The following FRMD4A variants were observed in gnomAD, a reference collection of about 807,000 sequenced individuals.
FRMD4A encodes FERM domain containing 4A, also known as FERM domain-containing protein 4A.
In FRMD4A, 29 loss-of-function variants were observed where a neutral mutation model predicts 129.1. That is an observed-to-expected ratio of 0.22 (90% CI 0.17 to 0.31). The LOEUF is 0.31. FRMD4A is among the 10% of genes least tolerant of loss of function. FRMD4A has a pLI of 1.00. For missense variants in FRMD4A, 1,272 were observed against 1,375.8 expected (o/e 0.92, Z 1.19); for synonymous variants, 634 against 571.6 (o/e 1.11, Z -1.56).
At chr10:13,819,640 C>T (rs967235447) in intron 3 of FRMD4A, among the ~76,000 whole-genome samples, 2 of 151,718 alleles carry the variant, frequency 1.3e-5, no homozygotes, top group Non-Finnish European at 2.9e-5. Context: ...TCACAAAAGA[C>T]GTGATCCTTG....
chr10:14,182,265 T>C (rs1233733701), intron 2 of FRMD4A, among the ~76,000 whole-genome samples: 5 of 152,184 alleles, frequency 3.3e-5, no homozygotes, highest in Admixed American at 2.0e-4. Context: ...AGAGATAGGG[T>C]GCAGTAGCAC....
At chr10:13,823,180 T>G (rs1324328527) in intron 3 of FRMD4A, among the ~76,000 whole-genome samples, 1 of 152,118 alleles carries the variant, frequency 6.6e-6, no homozygotes, top group Admixed American at 6.5e-5. Context: ...TAATGATTGC[T>G]CCTCTAGAAA....
Position 13,647,011 on chromosome 10 carries a change from C to G in FRMD4A, c.*27G>C. On this transcript the variant is annotated 3_prime_UTR_variant, in exon 25 of 25. Coordinates refer to ENST00000357447, the MANE Select transcript of FRMD4A (RefSeq NM_018027.5). ...CTAGTTCTGGATAGAGGGAGGAATC[C>G]AGGAAACAGCTATCATTGTAGCTCC... 1.0e-6 allele frequency: 1 copy of G among 976,710 alleles called. No homozygotes were observed. Among genetic ancestry groups the G allele is most frequent in the Non-Finnish European group, 1.2e-6 (1 of 821,586 alleles). 60.5% of individuals were successfully genotyped at this position (976,710 alleles called of 1,614,324 possible).
At chr10:14,227,078 C>T (rs1470225231) in intron 2 of FRMD4A, among the ~76,000 whole-genome samples, 1 of 152,010 alleles carries the variant, frequency 6.6e-6, no homozygotes, top group African/African-American at 2.4e-5. Context: ...TGCACATGCC[C>T]GCAAGATGGA....
At chr10:14,004,039 C>T (rs1486375565) in intron 2 of FRMD4A, among the ~76,000 whole-genome samples, 1 of 152,168 alleles carries the variant, frequency 6.6e-6, no homozygotes, top group Non-Finnish European at 1.5e-5. Context: ...AGGATGTGGG[C>T]TTGAGTAAGT....
At chr10:13,689,843 G>A (rs1028379490) in intron 15 of FRMD4A, among the ~76,000 whole-genome samples, 2 of 151,746 alleles carry the variant, frequency 1.3e-5, no homozygotes, top group Admixed American at 6.6e-5. Context: ...CTGAATAGGC[G>A]TGAGCCACTG....
chr10:13,958,408 T>G (rs1373442202), intron 2 of FRMD4A, among the ~76,000 whole-genome samples: 1 of 136,394 alleles, frequency 7.3e-6, no homozygotes, highest in Non-Finnish European at 1.6e-5. Context: ...CTCAGCCTCC[T>G]GAGTAGCTGG....
intron 15 of FRMD4A, among the ~76,000 whole-genome samples, chr10:13,691,427 C>T (rs991388321): frequency 5.9e-5 from 9 of 152,106 alleles, no homozygotes; most frequent in African/African-American, 4.8e-5. Context: ...CAAGGGGGCC[C>T]GTGCAGATGG....
chr10:14,147,234 A>G (rs1219214733), intron 2 of FRMD4A, among the ~76,000 whole-genome samples: 1 of 152,180 alleles, frequency 6.6e-6, no homozygotes, highest in Non-Finnish European at 1.5e-5. Flanking sequence ...GGAGGGGGTC[A>G]GACAGTTCAG....
rs1588679937 is a variant in FRMD4A, at chr10:13,779,851, T to A, written c.384+3071A>T. On this transcript the variant is annotated intron_variant, in intron 6 of 24. Coordinates refer to ENST00000357447, the MANE Select transcript of FRMD4A (RefSeq NM_018027.5). ...TGAAGACTCAGTTAAACAATTCACATAAAGCACTCAGCAACAAGCCTACAC... is the reference window on the plus strand; with the variant it reads ...TGAAGACTCAGTTAAACAATTCACAAAAAGCACTCAGCAACAAGCCTACAC... Among the ~76,000 whole-genome samples, 8 of 151,052 alleles carry A rather than the reference T, an allele frequency of 5.3e-5. No homozygotes were observed. In the East Asian group the frequency reaches 9.7e-4, roughly 18 times the overall value.
At chr10:14,119,868 T>C (rs1203999405) in intron 2 of FRMD4A, among the ~76,000 whole-genome samples, 1 of 152,126 alleles carries the variant, frequency 6.6e-6, no homozygotes, top group Non-Finnish European at 1.5e-5. Context: ...AGGTAATGAG[T>C]TCTCCAGGGC....
At chr10:14,267,914 G>C (rs1045905497) in intron 2 of FRMD4A, among the ~76,000 whole-genome samples, 6 of 152,140 alleles carry the variant, frequency 3.9e-5, no homozygotes, top group African/African-American at 1.2e-4. Context: ...ACAAATGTTA[G>C]AATACAGCCT....
At position 13,899,028 on chromosome 10, in the gene FRMD4A, A is replaced by T. The variant is rs575162128; in HGVS notation, c.46-40116T>A. ...TGAGACCCCTGTCTCTACAAAAAAA[A>T]TTTAAAAATTAGCTGGGTTTGCACC... On this transcript the variant is annotated intron_variant, in intron 2 of 24. Transcript: ENST00000357447. Among the ~76,000 whole-genome samples, 6 of 152,160 alleles carry T rather than the reference A, an allele frequency of 3.9e-5. No individual in the cohort carries two copies. The South Asian group carries it at 1.2e-3, about 32-fold the overall frequency.
chr10:13,705,557 T>C (rs2087341982), intron 13 of FRMD4A, among the ~76,000 whole-genome samples: 1 of 152,136 alleles, frequency 6.6e-6, no homozygotes, highest in Non-Finnish European at 1.5e-5. Flanking sequence ...TTTCACTCTT[T>C]CTGTACTTAA....
At chr10:14,048,812 AAATAGAATAGATTAG>A (rs1339490347) in intron 2 of FRMD4A, among the ~76,000 whole-genome samples, 10 of 134,386 alleles carry the variant, frequency 7.4e-5, no homozygotes, top group East Asian at 2.0e-4. Context: ...GTCTCAAATA[AAATAGAATAGATTAG>A]AATAGAATAG....
At chr10:13,891,869 G>C (rs993739945) in intron 2 of FRMD4A, 3 of 405,026 alleles carry the variant, frequency 7.4e-6, no homozygotes, top group Non-Finnish European at 9.9e-6. Flanking sequence ...CCCCGCCGCC[G>C]GCCCGCCCCT....
intron 2 of FRMD4A, among the ~76,000 whole-genome samples, chr10:14,260,619 G>A (rs547143817): frequency 6.6e-6 from 1 of 152,232 alleles, no homozygotes; most frequent in Non-Finnish European, 1.5e-5. Flanking sequence ...ACAATTCAAA[G>A]CACATTCTGA....
At chr10:14,180,534 A>C (rs1841880157) in intron 2 of FRMD4A, among the ~76,000 whole-genome samples, 1 of 152,222 alleles carries the variant, frequency 6.6e-6, no homozygotes, top group African/African-American at 2.4e-5. Context: ...AAGCCAGAGA[A>C]TCACAAATGA....
intron 13 of FRMD4A, among the ~76,000 whole-genome samples, chr10:13,701,851 A>G (rs541591771): frequency 5.9e-5 from 9 of 152,354 alleles, no homozygotes; most frequent in African/African-American, 1.9e-4. Flanking sequence ...CCTATGAGAC[A>G]GGAAATGTGC....
Sources: gnomAD v4.1 joint callset for allele counts (sites outside exome capture counted in the v4.1 genomes callset) on GRCh38, gnomAD v4.1.1 for gene constraint, MANE v1.5 for transcripts, NCBI Gene and HGNC (gene_info 2026-07-23, HGNC 2026-07-21) for gene names.